The following NELL1 variants were observed in gnomAD, a reference collection of about 807,000 sequenced individuals.
The protein encoded by NELL1 is neural EGFL like 1.
NELL1 carries 76 observed loss-of-function variants against 107.4 expected under a neutral mutation model. That is an observed-to-expected ratio of 0.71 (90% confidence interval 0.59 to 0.86). The LOEUF (loss-of-function observed/expected upper bound fraction) is 0.86. Among genes scored for constraint, NELL1 ranks in the 40% least tolerant of loss-of-function variants. The pLI, the probability that NELL1 is intolerant of heterozygous loss-of-function variation, is 0.00. For missense variants in NELL1, 1,024 were observed against 1,005.5 expected (o/e 1.02, Z -0.25); for synonymous variants, 353 against 341.2 (o/e 1.03, Z -0.38).
chr11:21,441,716 T>C (rs936331010), intron 15 of NELL1, among the ~76,000 whole-genome samples: 52 of 152,272 alleles, frequency 3.4e-4, no homozygotes, highest in African/African-American at 1.1e-3. Context: ...ATGTTAATTA[T>C]CTTTCTTTAT....
chr11:21,555,045 C>A (rs959409989), intron 16 of NELL1, among the ~76,000 whole-genome samples: 2 of 151,876 alleles, frequency 1.3e-5, no homozygotes, highest in African/African-American at 4.8e-5. Flanking sequence ...AAATGAGAGA[C>A]AACTATAAAG....
intron 2 of NELL1, among the ~76,000 whole-genome samples, chr11:20,777,029 G>A (rs1244396355): frequency 6.6e-6 from 1 of 152,164 alleles, no homozygotes; most frequent in Non-Finnish European, 1.5e-5. Context: ...ACACAAAAGT[G>A]CCAGGCACTG....
chr11:20,766,891 C>T (rs1856544084), intron 2 of NELL1, among the ~76,000 whole-genome samples: 1 of 152,056 alleles, frequency 6.6e-6, no homozygotes, highest in South Asian at 2.1e-4. Context: ...TACAGGCGTG[C>T]ACCACCACGC....
intron 13 of NELL1, among the ~76,000 whole-genome samples, chr11:21,187,426 T>C (rs1391695950): frequency 6.6e-6 from 1 of 151,850 alleles, no homozygotes; most frequent in Non-Finnish European, 1.5e-5. Context: ...TTGAGGTTTC[T>C]GAACTCAGGA....
chr11:21,179,862 C>CTTTTTTTTTTTTTT lies in NELL1; in HGVS notation c.1427-49458_1427-49445dup, dbSNP rs1164420669. On this transcript the variant is annotated intron_variant, in intron 13 of 19. Coordinates refer to ENST00000357134, the MANE Select transcript of NELL1 (RefSeq NM_006157.5). ...AAGGTTTAGGACAGAAATCAACACA[C>CTTTTTTTTTTTTTT]TTTTTTTTTTTTTTTTTTTTTTTTT... 1.7e-4 allele frequency among the ~76,000 whole-genome samples: 13 copies of CTTTTTTTTTTTTTT among 75,710 alleles called. 1 individual carries two copies. Among genetic ancestry groups the CTTTTTTTTTTTTTT allele is most frequent in the African/African-American group, 2.9e-4 (5 of 17,488 alleles). The allele number at this position is 75,710 out of a possible 152,430, so 49.7% of individuals were successfully genotyped here. A position where few individuals can be genotyped will look rare whatever the true frequency, so the allele number is the denominator to read the frequency against.
intron 2 of NELL1, among the ~76,000 whole-genome samples, chr11:20,689,636 T>C (rs2133864308): frequency 6.7e-6 from 1 of 148,800 alleles, no homozygotes; most frequent in Middle Eastern, 3.4e-3. Flanking sequence ...TATGGCTGCA[T>C]AGTATTCCAT....
chr11:21,065,898 T>C (rs1437674815), intron 12 of NELL1, among the ~76,000 whole-genome samples: 1 of 152,224 alleles, frequency 6.6e-6, no homozygotes, highest in East Asian at 1.9e-4. Context: ...TTCATCAGAA[T>C]GGACTTGCTA....
intron 15 of NELL1, among the ~76,000 whole-genome samples, chr11:21,409,616 A>G (rs957835118): frequency 2.0e-5 from 3 of 151,950 alleles, no homozygotes; most frequent in African/African-American, 2.4e-5. Flanking sequence ...AAATTAAAAA[A>G]TAAAAATTGC....
At chr11:21,265,330 T>G (rs1309250081) in intron 14 of NELL1, among the ~76,000 whole-genome samples, 1 of 152,010 alleles carries the variant, frequency 6.6e-6, no homozygotes. Flanking sequence ...AGTGTAAAAA[T>G]AGGGGTATCA....
At position 21,326,210 on chromosome 11, in the gene NELL1, T is replaced by G. The variant is rs565953478; in HGVS notation, c.1550-44643T>G. Among the ~76,000 whole-genome samples, 403 of 151,660 alleles carry G rather than the reference T, an allele frequency of 2.7e-3. 2 individuals carry two copies. The highest frequency in any genetic ancestry group is 4.4e-3 in the Non-Finnish European group (297 of 67,822). ...TTCCTTGTTCCTTTTGTTACTCATT[T>G]TTTTTGCCTTCTTTTTGGATGAACA... On this transcript the variant is annotated intron_variant, in intron 14 of 19. Transcript: ENST00000357134.
chr11:21,416,500 G>C lies in NELL1; in HGVS notation c.1645+45552G>C, dbSNP rs116974228. Among the ~76,000 whole-genome samples the C allele has an allele frequency of 7.2e-5, 11 of 152,112 alleles. No individual in the cohort carries two copies. In the South Asian group the frequency reaches 2.1e-3, roughly 29 times the overall value. ...AAGAAATGGGGAAATGTTGGCCTTC[G>C]GTTGCAAATATCTTTTCCAAATTCT... On this transcript the variant is annotated intron_variant, in intron 15 of 19. Transcript: ENST00000357134.
intron 3 of NELL1, among the ~76,000 whole-genome samples, chr11:20,787,414 GA>G (rs1254538636): frequency 1.8e-4 from 27 of 152,282 alleles, no homozygotes; most frequent in African/African-American, 6.5e-4. Flanking sequence ...TGCAATAAGT[GA>G]GAATCTTTCA....
At chr11:20,745,272 A>G (rs1339847566) in intron 2 of NELL1, among the ~76,000 whole-genome samples, 2 of 152,206 alleles carry the variant, frequency 1.3e-5, no homozygotes, top group East Asian at 3.8e-4. Context: ...AAGCCCAACT[A>G]TTGAAAATTA....
intron 14 of NELL1, among the ~76,000 whole-genome samples, chr11:21,282,478 CAAAAAAAAAAA>C (rs35632941): frequency 2.7e-5 from 2 of 74,470 alleles, no homozygotes; most frequent in Non-Finnish European, 5.1e-5. Context: ...GACTCTGTCT[CAAAAAAAAAAA>C]AAAAAAAAAG....
intron 9 of NELL1, among the ~76,000 whole-genome samples, chr11:20,937,434 T>G (rs1850749858): frequency 6.6e-6 from 1 of 152,158 alleles, no homozygotes; most frequent in African/African-American, 2.4e-5. Flanking sequence ...TTAGCTGGAG[T>G]GTCTGAATCA....
At chr11:21,534,550 G>T (rs1564946430) in intron 16 of NELL1, 36 bp downstream of exon 16, 2 of 1,610,066 alleles carry the variant, frequency 1.2e-6, no homozygotes. Flanking sequence ...CAACTGCTTG[G>T]ACCTTTGCAG....
At chr11:20,754,822 T>A (rs1420852114) in intron 2 of NELL1, among the ~76,000 whole-genome samples, 1 of 152,182 alleles carries the variant, frequency 6.6e-6, no homozygotes, top group African/African-American at 2.4e-5. Flanking sequence ...GTGAATCTCA[T>A]TTCTGTAATT....
rs190102232 is a variant in NELL1 at position 21,044,479 on chromosome 11, G to A, written c.1301-69110G>A. Among the ~76,000 whole-genome samples the A allele has an allele frequency of 3.1e-3, 466 of 152,272 alleles. 3 individuals are homozygous for A. Among genetic ancestry groups the A allele is most frequent in the African/African-American group, 0.011 (448 of 41,580 alleles). ...AAAATGGATCAGAAAGGGCAGATCA[G>A]GGGACAAATGGAAATTTGTTTTGCT... is the stretch of plus-strand genomic sequence containing the variant. On this transcript the variant is annotated intron_variant, in intron 12 of 19. Coordinates refer to ENST00000357134, the MANE Select transcript of NELL1 (RefSeq NM_006157.5).
At chr11:21,334,459 T>C (rs1850340689) in intron 14 of NELL1, among the ~76,000 whole-genome samples, 1 of 151,952 alleles carries the variant, frequency 6.6e-6, no homozygotes, top group Admixed American at 6.6e-5. Flanking sequence ...ACAAACATTA[T>C]ATTCATAATA....
Sources: allele counts gnomAD v4.1 joint callset (sites outside exome capture counted in the v4.1 genomes callset), GRCh38; gene constraint gnomAD v4.1.1; transcripts MANE v1.5; gene names NCBI Gene and HGNC (gene_info 2026-07-23, HGNC 2026-07-21).